SNX24: variants seen among roughly 807,000 people sequenced by gnomAD.
The protein encoded by SNX24 is sorting nexin-24.
SNX24 carries 22 observed loss-of-function variants against 28.7 expected under a neutral mutation model. The ratio of observed to expected loss-of-function variants is 0.77; its 90% CI spans 0.55 to 1.10. The LOEUF is 1.10. Ranked by LOEUF, SNX24 falls within the 50% of genes least tolerant of loss-of-function variation. The pLI is 0.00. For missense variants in SNX24, 221 were observed against 201.1 expected (o/e 1.10, Z -0.60); for synonymous variants, 69 against 71.5 (o/e 0.96, Z 0.18).
rs1334311866 is a variant in SNX24, at chr5:123,008,157, T to G, written c.*408T>G. The G allele has an allele frequency of 1.0e-6, 1 of 993,640 alleles. No homozygotes were observed. The highest frequency in any genetic ancestry group is 1.2e-6 in the Non-Finnish European group (1 of 835,788). 61.6% of individuals were successfully genotyped at this position (993,640 alleles called of 1,614,324 possible). ...TGGTAGCTTTTTTGTTCAGATCTTA[T>G]GACACACTACTCTTCTCACCGTGAG... On this transcript the variant is annotated 3_prime_UTR_variant, in exon 7 of 7. Transcript: ENST00000261369.
intron 3 of SNX24, among the ~76,000 whole-genome samples, chr5:122,997,633 C>G (rs543833455): frequency 2.6e-5 from 4 of 152,232 alleles, no homozygotes; most frequent in African/African-American, 9.6e-5. Flanking sequence ...CCTAAGTAAC[C>G]CCCTGAACAC....
In SNX24 at chr5:122,913,652, C is replaced by A. The variant is rs184595249; in HGVS notation, c.61-23082C>A. Reference sequence around the variant, plus strand: ...GGGCGGCTGCCAGGCAGAGGGTCTCCTTACTTCTCAGACGGGGCAGCCGGG... The same window carrying A: ...GGGCGGCTGCCAGGCAGAGGGTCTCATTACTTCTCAGACGGGGCAGCCGGG... On this transcript the variant is annotated intron_variant, in intron 1 of 6. Coordinates refer to ENST00000261369, the MANE Select transcript of SNX24 (RefSeq NM_014035.4). Among the ~76,000 whole-genome samples, 81 of 152,110 alleles carry A rather than the reference C, an allele frequency of 5.3e-4. 1 individual carries two copies. In the East Asian group the frequency reaches 0.012, roughly 23 times the overall value.
At chr5:122,894,908 C>T (rs961684609) in intron 1 of SNX24, among the ~76,000 whole-genome samples, 2 of 151,788 alleles carry the variant, frequency 1.3e-5, no homozygotes, top group East Asian at 1.9e-4. Context: ...TAAAAAGAAA[C>T]CTTTTAAATT....
chr5:122,915,894 C>G (rs1448998845), intron 1 of SNX24, among the ~76,000 whole-genome samples: 1 of 152,192 alleles, frequency 6.6e-6, no homozygotes, highest in African/African-American at 2.4e-5. Context: ...TCATATCCAC[C>G]GTCAACTCCC....
intron 2 of SNX24, among the ~76,000 whole-genome samples, chr5:122,943,538 C>T (rs537696182): frequency 3.9e-5 from 6 of 152,328 alleles, no homozygotes; most frequent in African/African-American, 7.2e-5. Flanking sequence ...GCTCGGGGCC[C>T]TCTTCCAAGC....
chr5:122,880,871 C>G (rs1756449467), intron 1 of SNX24, among the ~76,000 whole-genome samples: 1 of 152,188 alleles, frequency 6.6e-6, no homozygotes, highest in Non-Finnish European at 1.5e-5. Flanking sequence ...GAAATCTCCC[C>G]TGGCCCACAG....
downstream of SNX24, among the ~76,000 whole-genome samples, chr5:123,011,168 A>G (rs572868899): frequency 3.9e-5 from 6 of 152,186 alleles, no homozygotes; most frequent in Non-Finnish European, 5.9e-5. Flanking sequence ...CAGGCAATAG[A>G]GAAGTAAAGG....
At chr5:122,869,697 A>T (rs1755884808) in intron 1 of SNX24, among the ~76,000 whole-genome samples, 1 of 152,178 alleles carries the variant, frequency 6.6e-6, no homozygotes, top group African/African-American at 2.4e-5. Context: ...GGAATATATT[A>T]TTGCTACGCT....
At chr5:122,928,956 G>C (rs956872108) in intron 1 of SNX24, among the ~76,000 whole-genome samples, 2 of 151,558 alleles carry the variant, frequency 1.3e-5, no homozygotes, top group Non-Finnish European at 2.9e-5. Flanking sequence ...CTATTACCCT[G>C]GTTTATTTTT....
intron 5 of SNX24, chr5:123,025,658 CT>C: frequency 1.0e-6 from 1 of 974,666 alleles, no homozygotes; most frequent in Non-Finnish European, 1.5e-6. Flanking sequence ...ATTTATTCAC[CT>C]TTGAAGAGGC....
chr5:122,849,478 C>T (rs960623464), intron 1 of SNX24, among the ~76,000 whole-genome samples: 2 of 151,746 alleles, frequency 1.3e-5, no homozygotes, highest in Admixed American at 6.6e-5. Context: ...GGTGGGGGTG[C>T]TTAGGAAATG....
At chr5:122,901,005 A>T (rs1261109754) in intron 1 of SNX24, among the ~76,000 whole-genome samples, 1 of 152,138 alleles carries the variant, frequency 6.6e-6, no homozygotes, top group Non-Finnish European at 1.5e-5. Context: ...ATTCAAGACC[A>T]GCCTGGCCAA....
intron 1 of SNX24, among the ~76,000 whole-genome samples, chr5:122,882,720 ACT>A (rs1007026254): frequency 1.6e-4 from 24 of 152,314 alleles, no homozygotes; most frequent in African/African-American, 5.5e-4. Context: ...CTTGAAAAAC[ACT>A]GTTTTTTCCT....
rs377065650 is a variant in SNX24, at chr5:122,995,852, T to A, written c.250-4060T>A. On this transcript the variant is annotated intron_variant, in intron 3 of 6. Coordinates refer to ENST00000261369, the MANE Select transcript of SNX24 (RefSeq NM_014035.4). The stretch of plus-strand genomic sequence containing the variant: ...CACTGGGTAATTAAGTAGATAGCAC[T>A]GGGCCTGATCCCATCGCTACCCTGC... 1.8e-4 allele frequency among the ~76,000 whole-genome samples: 27 copies of A among 152,302 alleles called. No homozygotes were observed. In the East Asian group the frequency reaches 4.8e-3, roughly 27 times the overall value.
chr5:122,846,125 A>G (rs1223760731), intron 1 of SNX24, among the ~76,000 whole-genome samples: 1 of 151,602 alleles, frequency 6.6e-6, no homozygotes, highest in South Asian at 2.1e-4. Flanking sequence ...TTTTTTTTAA[A>G]TCATAATTTG....
intron 1 of SNX24, among the ~76,000 whole-genome samples, chr5:122,890,780 C>G (rs1026570715): frequency 1.3e-5 from 2 of 152,094 alleles, no homozygotes; most frequent in Admixed American, 6.6e-5. Flanking sequence ...CTAGAGGGAA[C>G]TTTTAAAGCA....
At chr5:122,866,615 A>G (rs959703744) in intron 1 of SNX24, among the ~76,000 whole-genome samples, 2 of 152,010 alleles carry the variant, frequency 1.3e-5, no homozygotes, top group Non-Finnish European at 2.9e-5. Context: ...AGTTTTTTTC[A>G]TTGACTTTAA....
chr5:122,936,742 G>A lies in SNX24; in HGVS notation c.69G>A (p.Lys23=), dbSNP rs745997298. Residue 23 remains lysine, a synonymous_variant, in exon 2 of 7, where the codon AAG becomes AAA. Coordinates refer to ENST00000261369, the MANE Select transcript of SNX24 (RefSeq NM_014035.4). ...SDLERGYTVF[K]IEVLMNGRKH... ...TTAAATTTTTTCCTCAGGTGTTTAA[G>A]ATAGAAGTGCTAATGAATGGAAGAA... 6.3e-7 allele frequency: 1 copy of A among 1,586,672 alleles called. No individual in the cohort carries two copies.
chr5:122,992,235 G>A (rs1309956945), intron 3 of SNX24, among the ~76,000 whole-genome samples: 7 of 152,242 alleles, frequency 4.6e-5, no homozygotes, highest in East Asian at 1.9e-4. Context: ...GATTTAATGC[G>A]TGGTCCCTGG....
Sources: gnomAD v4.1 joint callset for allele counts (sites outside exome capture counted in the v4.1 genomes callset) on GRCh38, gnomAD v4.1.1 for gene constraint, MANE v1.5 for transcripts, NCBI Gene and HGNC (gene_info 2026-07-23, HGNC 2026-07-21) for gene names.